ROBO2: variants seen among roughly 807,000 people sequenced by gnomAD.
ROBO2 encodes the protein roundabout homolog 2.
Under a neutral mutation model 160.8 loss-of-function variants are expected in ROBO2, and 53 were observed. The ratio of observed to expected loss-of-function variants is 0.33; its 90% CI spans 0.26 to 0.41. The LOEUF (loss-of-function observed/expected upper bound fraction) is 0.41, where lower values mean the gene tolerates loss of function less well. ROBO2 is among the 10% of genes least tolerant of loss of function. ROBO2 has a pLI of 1.00. For missense variants in ROBO2, 1,577 were observed against 1,722.4 expected (o/e 0.92, Z 1.49); for synonymous variants, 664 against 611.7 (o/e 1.09, Z -1.26).
intron 2 of ROBO2, among the ~76,000 whole-genome samples, chr3:77,297,547 C>T (rs189130516): frequency 2.6e-5 from 4 of 152,188 alleles, no homozygotes; most frequent in Non-Finnish European, 5.9e-5. Context: ...GGGTGATGGA[C>T]GAAATGAGGG....
intron 2 of ROBO2, among the ~76,000 whole-genome samples, chr3:76,535,457 G>A (rs1021875827): frequency 1.3e-5 from 2 of 152,032 alleles, no homozygotes; most frequent in Non-Finnish European, 2.9e-5. Flanking sequence ...TACATGATCA[G>A]TTGTCAAGGA....
intron 2 of ROBO2, among the ~76,000 whole-genome samples, chr3:76,282,505 A>G (rs1291111723): frequency 2.6e-5 from 4 of 152,080 alleles, no homozygotes; most frequent in Admixed American, 2.0e-4. Flanking sequence ...GTCATTATGA[A>G]TGCATAATGT....
chr3:76,039,388 G>T (rs1296883553), intron 2 of ROBO2, among the ~76,000 whole-genome samples: 3 of 151,918 alleles, frequency 2.0e-5, no homozygotes, highest in Admixed American at 2.0e-4. Flanking sequence ...AATTTATACT[G>T]GCACAAATGT....
intron 2 of ROBO2, among the ~76,000 whole-genome samples, chr3:77,114,706 G>C (rs75163306): frequency 0.013 from 2,019 of 152,204 alleles, 55 homozygotes; most frequent in African/African-American, 0.046. Context: ...TACAAGTAGA[G>C]ATTCCTAGTA....
chr3:77,047,458 G>T (rs1300756397), intron 1 of ROBO2, among the ~76,000 whole-genome samples: 1 of 151,758 alleles, frequency 6.6e-6, no homozygotes, highest in South Asian at 2.1e-4. Context: ...GGTGAGGTGT[G>T]TGGATCACCT....
chr3:77,376,460 A>T (rs1175979536), intron 2 of ROBO2, among the ~76,000 whole-genome samples: 1 of 151,916 alleles, frequency 6.6e-6, no homozygotes, highest in East Asian at 1.9e-4. Flanking sequence ...ACCCAGCTTA[A>T]CTTTCATTTT....
At chr3:77,401,359 T>C (rs2075782418) in intron 2 of ROBO2, among the ~76,000 whole-genome samples, 2 of 152,254 alleles carry the variant, frequency 1.3e-5, no homozygotes, top group South Asian at 4.1e-4. Context: ...AATCCAAGTC[T>C]CTTCTTTACA....
At chr3:76,050,110 T>G (rs1157795931) in intron 2 of ROBO2, among the ~76,000 whole-genome samples, 9 of 152,102 alleles carry the variant, frequency 5.9e-5, no homozygotes. Flanking sequence ...CAAAGGACAT[T>G]AACATTTGAG....
At chr3:76,517,689 A>G (rs1042176016) in intron 2 of ROBO2, among the ~76,000 whole-genome samples, 13 of 152,318 alleles carry the variant, frequency 8.5e-5, no homozygotes, top group African/African-American at 3.1e-4. Flanking sequence ...TGGGAAATTG[A>G]AAACCATTTA....
At position 76,279,067 on chromosome 3, in the gene ROBO2, C is replaced by T. The variant is rs112141253; in HGVS notation, c.109+341465C>T. Among the ~76,000 whole-genome samples, 48 of 151,618 alleles carry T rather than the reference C, an allele frequency of 3.2e-4. 1 individual carries two copies. The highest frequency in any genetic ancestry group is 8.4e-4 in the African/African-American group (35 of 41,430). The stretch of plus-strand genomic sequence containing the variant: ...AGCAAACATTTATGTATAGAAAATA[C>T]AAACACATATTTTAATTATGCATAT... On this transcript the variant is annotated intron_variant, in intron 2 of 26. Transcript: ENST00000487694.
intron 2 of ROBO2, among the ~76,000 whole-genome samples, chr3:76,084,670 C>T (rs888500322): frequency 2.6e-5 from 4 of 152,074 alleles, no homozygotes; most frequent in African/African-American, 9.7e-5. Context: ...ATACTAGTGC[C>T]CTGTCTCCAT....
intron 2 of ROBO2, among the ~76,000 whole-genome samples, chr3:76,051,005 C>G (rs1422502585): frequency 1.3e-5 from 2 of 152,006 alleles, no homozygotes; most frequent in Non-Finnish European, 2.9e-5. Flanking sequence ...TGAGTTTATC[C>G]TACATCATTG....
At chr3:76,038,776 G>A (rs1183550915) in intron 2 of ROBO2, among the ~76,000 whole-genome samples, 1 of 110,612 alleles carries the variant, frequency 9.0e-6, no homozygotes, top group East Asian at 2.4e-4. Flanking sequence ...GCGTGTGTGT[G>A]TGTGTGTGTG....
intron 1 of ROBO2, among the ~76,000 whole-genome samples, chr3:75,917,534 T>A (rs1240277327): frequency 1.3e-5 from 2 of 152,258 alleles, no homozygotes; most frequent in Non-Finnish European, 2.9e-5. Context: ...TGATTTATAA[T>A]CCTTTGGGTA....
chr3:76,645,906 G>A (rs2090944073), intron 2 of ROBO2, among the ~76,000 whole-genome samples: 1 of 152,164 alleles, frequency 6.6e-6, no homozygotes. Context: ...ACAAGGAGCT[G>A]TCCATTGTAT....
intron 2 of ROBO2, among the ~76,000 whole-genome samples, chr3:76,204,523 A>T (rs1296506924): frequency 6.6e-6 from 1 of 152,218 alleles, no homozygotes; most frequent in Non-Finnish European, 1.5e-5. Context: ...GTTCTAAAAT[A>T]TATCCTTCTA....
chr3:77,583,018 T>C (rs1296123899), intron 16 of ROBO2, among the ~76,000 whole-genome samples: 2 of 151,708 alleles, frequency 1.3e-5, no homozygotes, highest in East Asian at 3.9e-4. Context: ...GGCGTGCACC[T>C]GTAGTCCCAG....
At chr3:76,671,031 G>C (rs2092244378) in intron 2 of ROBO2, among the ~76,000 whole-genome samples, 1 of 151,292 alleles carries the variant, frequency 6.6e-6, no homozygotes, top group East Asian at 2.0e-4. Context: ...TTACAATCCT[G>C]TTGGAGAAAT....
intron 2 of ROBO2, among the ~76,000 whole-genome samples, chr3:76,472,100 T>TGTGTGTTTGTGC (rs1491261065): frequency 9.0e-6 from 1 of 111,018 alleles, no homozygotes; most frequent in African/African-American, 3.6e-5. Context: ...TGTGTGTGTG[T>TGTGTGTTTGTGC]GCGCGTGTGC....
Sources: allele counts gnomAD v4.1 joint callset (sites outside exome capture counted in the v4.1 genomes callset), GRCh38; gene constraint gnomAD v4.1.1; transcripts MANE v1.5; gene names NCBI Gene and HGNC (gene_info 2026-07-23, HGNC 2026-07-21).